Variants in MYOM2 observed in about 807,000 individuals in gnomAD.
MYOM2 encodes the protein myomesin-2.
MYOM2 carries 254 observed loss-of-function variants against 187.6 expected under a neutral mutation model. The ratio of observed to expected loss-of-function variants is 1.35; its 90% CI spans 1.22 to 1.50. The LOEUF is 1.50. Ranked by LOEUF, MYOM2 falls within the 40% of genes most tolerant of loss-of-function variation. The pLI is 0.00. For missense variants in MYOM2, 2,796 were observed against 1,924.0 expected (o/e 1.45, Z -8.48); for synonymous variants, 981 against 753.8 (o/e 1.30, Z -4.94).
At chr8:2,131,072 G>T (rs1242601558) in intron 32 of MYOM2, among the ~76,000 whole-genome samples, 1 of 152,140 alleles carries the variant, frequency 6.6e-6, no homozygotes, top group African/African-American at 2.4e-5. Context: ...TGTAGTACAG[G>T]CCATGCGCTG....
chr8:2,057,820 T>C (rs1479992399), intron 5 of MYOM2, 40 bp downstream of exon 5: 1 of 1,593,930 alleles, frequency 6.3e-7, no homozygotes, highest in South Asian at 1.1e-5. Context: ...AAGTCCATTC[T>C]GCGTTTTCTT....
chr8:2,050,920 G>A (rs1415082929), intron 2 of MYOM2, 47 bp downstream of exon 2: 2 of 1,434,198 alleles, frequency 1.4e-6, no homozygotes, highest in Non-Finnish European at 2.0e-6. Context: ...TGATTATGGG[G>A]GTCTGACATT....
rs765625254 is a variant in MYOM2 at position 2,057,655 on chromosome 8, A to T, written c.435A>T (p.Thr145=). 2.5e-6 allele frequency: 4 copies of T among 1,613,958 alleles called. No homozygotes were observed. Among genetic ancestry groups the T allele is most frequent in the Non-Finnish European group, 3.4e-6 (4 of 1,180,014 alleles). ...MEDKLAWERH[T]FEERISRAPE... ...ACAAGCTGGCCTGGGAGAGACACACATTTGAAGAGCGGATAAGCAGGGCTC... is the reference window on the plus strand; with the variant it reads ...ACAAGCTGGCCTGGGAGAGACACACTTTTGAAGAGCGGATAAGCAGGGCTC... Residue 145 remains threonine, a synonymous_variant, in exon 5 of 37, where the codon ACA becomes ACT. Transcript: ENST00000262113.
At chr8:2,072,096 C>T (rs557909052) in intron 8 of MYOM2, among the ~76,000 whole-genome samples, 7 of 152,104 alleles carry the variant, frequency 4.6e-5, no homozygotes, top group Admixed American at 1.3e-4. Context: ...CGTGCTTTTG[C>T]GGTGACGGTC....
chr8:2,095,629 C>G (rs941228603), intron 17 of MYOM2, among the ~76,000 whole-genome samples: 1 of 152,142 alleles, frequency 6.6e-6, no homozygotes, highest in African/African-American at 2.4e-5. Context: ...TAATTCCAGT[C>G]ACCTGTGTCT....
At chr8:2,114,670 A>G (rs543274483) in intron 25 of MYOM2, among the ~76,000 whole-genome samples, 1 of 152,264 alleles carries the variant, frequency 6.6e-6, no homozygotes, top group South Asian at 2.1e-4. Context: ...GAGTTTCACC[A>G]TGTTGGCCAA....
In MYOM2 at chr8:2,092,331, G is replaced by C; in HGVS notation, c.1829-15G>C. The C allele has an allele frequency of 6.2e-7, 1 of 1,612,542 alleles. No homozygotes were observed. The highest frequency in any genetic ancestry group is 8.5e-7 in the Non-Finnish European group (1 of 1,179,300). ...CTGATGCCATTTCACCACTCCTTTT[G>C]TCTCCTACGAAAAGTTGTCCCTTCT... On this transcript the variant is annotated splice_polypyrimidine_tract_variant and intron_variant, in intron 15 of 36. Coordinates refer to ENST00000262113, the MANE Select transcript of MYOM2 (RefSeq NM_003970.4).
chr8:2,074,803 G>A (rs560184170), intron 10 of MYOM2, among the ~76,000 whole-genome samples: 3 of 152,188 alleles, frequency 2.0e-5, no homozygotes, highest in Non-Finnish European at 4.4e-5. Flanking sequence ...TCCTGCTTCT[G>A]CCCTGGGCTG....
intron 8 of MYOM2, among the ~76,000 whole-genome samples, chr8:2,071,712 G>T (rs1310255424): frequency 1.1e-4 from 16 of 152,158 alleles, no homozygotes; most frequent in Non-Finnish European, 7.4e-5. Context: ...GGAACAACAC[G>T]CCATGGCCGG....
rs777020595 is a variant in MYOM2 at position 2,098,900 on chromosome 8, C to T, written c.2357C>T (p.Ala786Val). The change falls in exon 19 of 37, where the codon GCC (alanine) becomes GTC (valine). Residue 786 changes from alanine to valine, a missense_variant. Physicochemically the swap from Ala to Val is moderately conservative, Grantham distance 64. Transcript: ENST00000262113. ...GGCTCACTCTACGAGTTCAAAATCG[C>T]CGCCGTCAACCTGGCCGGCATCGGG... ...TEGSLYEFKI[A>V]AVNLAGIGEP... 28 of 1,613,090 alleles carry T rather than the reference C, an allele frequency of 1.7e-5. No individual in the cohort carries two copies. Among genetic ancestry groups the T allele is most frequent in the Non-Finnish European group, 2.3e-5 (27 of 1,179,692 alleles).
intron 35 of MYOM2, 66 bp from the exon 36 acceptor site, chr8:2,143,335 C>G (rs1208372396): frequency 3.2e-6 from 5 of 1,585,342 alleles, no homozygotes; most frequent in East Asian, 4.5e-5. Flanking sequence ...CTGCTGCTTA[C>G]ATGGCTCCTG....
At chr8:2,113,685 A>T (rs10096042) in intron 25 of MYOM2, among the ~76,000 whole-genome samples, 30,374 of 152,080 alleles carry the variant, frequency 0.2, 3,208 homozygotes, top group African/African-American at 0.26. Flanking sequence ...CTGGGAAGGA[A>T]GTTCCGGTCC....
At chr8:2,056,155 G>T (rs1380112383) in intron 3 of MYOM2, among the ~76,000 whole-genome samples, 3 of 152,194 alleles carry the variant, frequency 2.0e-5, no homozygotes, top group Non-Finnish European at 4.4e-5. Flanking sequence ...CGATCATAAA[G>T]GCCCTAAGAG....
chr8:2,057,926 C>A, intron 5 of MYOM2, 146 bp downstream of exon 5: 1 of 751,834 alleles, frequency 1.3e-6, no homozygotes, highest in Admixed American at 3.7e-5. Context: ...TATAGAAGCT[C>A]TGAACGTTCA....
Position 2,100,985 on chromosome 8 carries a change from C to A in MYOM2, c.2550C>A (p.Asp850Glu). Residue 850 changes from aspartate (D) to glutamate (E), a missense_variant, in exon 20 of 37, where the codon GAC (aspartate) becomes GAA (glutamate). By Grantham distance (45) the Asp-to-Glu change is conservative (BLOSUM62 2). Coordinates refer to ENST00000262113, the MANE Select transcript of MYOM2 (RefSeq NM_003970.4). ...GCCCTGTTTCTGGATATTTCGTGGA[C>A]TTCAGGGAGGAGGATGCTGGAGAGT... ...GSSPVSGYFV[D>E]FREEDAGEWI... 1.9e-6 allele frequency: 3 copies of A among 1,614,146 alleles called. No individual in the cohort carries two copies. Among genetic ancestry groups the A allele is most frequent in the Non-Finnish European group, 2.5e-6 (3 of 1,180,032 alleles).
In MYOM2 at chr8:2,107,592, T is replaced by G. The variant is rs6988144; in HGVS notation, c.2998+995T>G. ...CTCTCGGCTTCTCGAGTGTGCAGGT[T>G]TGGCTCAATGTTGGTGAAATTCAGG... On this transcript the variant is annotated intron_variant, in intron 23 of 36. Transcript: ENST00000262113. Among the ~76,000 whole-genome samples, 6 of 151,938 alleles carry G rather than the reference T, an allele frequency of 3.9e-5. No homozygotes were observed. The South Asian group carries it at 1.2e-3, about 32-fold the overall frequency.
intron 20 of MYOM2, among the ~76,000 whole-genome samples, chr8:2,101,349 T>C (rs1796703025): frequency 6.6e-6 from 1 of 152,170 alleles, no homozygotes; most frequent in Non-Finnish European, 1.5e-5. Flanking sequence ...CGAGACTCTG[T>C]CTCAAAAACA....
chr8:2,058,128 C>A (rs1359514301), intron 5 of MYOM2, among the ~76,000 whole-genome samples: 1 of 149,384 alleles, frequency 6.7e-6, no homozygotes, highest in Non-Finnish European at 1.5e-5. Context: ...AAGTGATTCT[C>A]CTGCCTCAGC....
intron 18 of MYOM2, among the ~76,000 whole-genome samples, chr8:2,098,424 C>T (rs1339179235): frequency 6.6e-6 from 1 of 152,134 alleles, no homozygotes; most frequent in African/African-American, 2.4e-5. Context: ...GTGGTGGGCT[C>T]CGTCTCCAGG....
Sources: allele counts gnomAD v4.1 joint callset (sites outside exome capture counted in the v4.1 genomes callset), GRCh38; gene constraint gnomAD v4.1.1; transcripts MANE v1.5; gene names NCBI Gene and HGNC (gene_info 2026-07-23, HGNC 2026-07-21).